GALNT1: variants seen among roughly 807,000 people sequenced by gnomAD.
The protein encoded by GALNT1 is polypeptide N-acetylgalactosaminyltransferase 1, also known as GalNAc transferase 1.
In GALNT1, 17 loss-of-function variants were observed where a neutral mutation model predicts 65.7. That is an observed-to-expected ratio of 0.26 (90% confidence interval 0.18 to 0.39). The LOEUF (loss-of-function observed/expected upper bound fraction) is 0.39, where lower values mean the gene tolerates loss of function less well. GALNT1 is among the 10% of genes least tolerant of loss of function. The pLI is 1.00. For synonymous variants in GALNT1, 210 were observed against 219.7 expected (o/e 0.96, Z 0.39); for missense variants, 460 against 672.8 (o/e 0.68, Z 3.50).
chr18:35,598,453 A>G (rs990047870), intron 1 of GALNT1, among the ~76,000 whole-genome samples: 1 of 152,048 alleles, frequency 6.6e-6, no homozygotes. Flanking sequence ...CCACTTTCTT[A>G]GTTCTCACAT....
chr18:35,610,182 G>GAGC (rs1326209594), intron 1 of GALNT1, among the ~76,000 whole-genome samples: 1 of 152,176 alleles, frequency 6.6e-6, no homozygotes, highest in Admixed American at 6.5e-5. Flanking sequence ...TGTGAATGAA[G>GAGC]AGCAGGGCAT....
At chr18:35,604,030 A>C (rs966100362) in intron 1 of GALNT1, among the ~76,000 whole-genome samples, 1 of 152,102 alleles carries the variant, frequency 6.6e-6, no homozygotes, top group Non-Finnish European at 1.5e-5. Context: ...TCACCCATGT[A>C]GTGAGCATAG....
At chr18:35,585,119 C>T (rs61434512) in intron 1 of GALNT1, among the ~76,000 whole-genome samples, 8 of 152,166 alleles carry the variant, frequency 5.3e-5, no homozygotes, top group Admixed American at 3.9e-4. Context: ...TTGGGGAGGA[C>T]GGCTTCTCTG....
chr18:35,651,524 A>T (rs1273183890), intron 1 of GALNT1, among the ~76,000 whole-genome samples: 7 of 152,192 alleles, frequency 4.6e-5, no homozygotes, highest in Admixed American at 4.6e-4. Flanking sequence ...TTGGGGTTTG[A>T]TGTCCTGTAG....
At chr18:35,652,193 C>A (rs531850357) in intron 1 of GALNT1, among the ~76,000 whole-genome samples, 4 of 152,170 alleles carry the variant, frequency 2.6e-5, no homozygotes, top group Non-Finnish European at 4.4e-5. Context: ...GATGAGCAAG[C>A]CTTCTGTGAC....
intron 3 of GALNT1, among the ~76,000 whole-genome samples, chr18:35,671,886 T>C (rs2047641880): frequency 1.3e-5 from 2 of 152,364 alleles, no homozygotes; most frequent in Non-Finnish European, 2.9e-5. Flanking sequence ...CATTCCTAGC[T>C]GTAATCTCAA....
intron 9 of GALNT1, among the ~76,000 whole-genome samples, chr18:35,699,826 C>A (rs1480300786): frequency 6.6e-6 from 1 of 152,170 alleles, no homozygotes; most frequent in Non-Finnish European, 1.5e-5. Flanking sequence ...CTATTTTCAT[C>A]CCAGTATAAA....
intron 1 of GALNT1, among the ~76,000 whole-genome samples, chr18:35,649,181 C>T (rs760302188): frequency 2.0e-5 from 3 of 152,212 alleles, no homozygotes; most frequent in Non-Finnish European, 4.4e-5. Flanking sequence ...CCCACTGGCA[C>T]CGTATTAGAG....
At chr18:35,705,028 C>G (rs1372980806) in intron 11 of GALNT1, among the ~76,000 whole-genome samples, 2 of 152,200 alleles carry the variant, frequency 1.3e-5, no homozygotes, top group African/African-American at 4.8e-5. Context: ...CTCTCTGTTC[C>G]TTTTGTTGGC....
At chr18:35,584,516 C>G (rs531481203) in intron 1 of GALNT1, among the ~76,000 whole-genome samples, 1 of 152,086 alleles carries the variant, frequency 6.6e-6, no homozygotes, top group Admixed American at 6.6e-5. Flanking sequence ...AAGAGGAGTG[C>G]GGCAACTTCG....
At chr18:35,655,080 A>C (rs190135107) in intron 2 of GALNT1, among the ~76,000 whole-genome samples, 1 of 152,102 alleles carries the variant, frequency 6.6e-6, no homozygotes, top group African/African-American at 2.4e-5. Flanking sequence ...TAATGTGGGT[A>C]TCTCATAGTT....
chr18:35,700,983 A>G (rs1266931962), intron 9 of GALNT1, among the ~76,000 whole-genome samples: 1 of 152,158 alleles, frequency 6.6e-6, no homozygotes, highest in African/African-American at 2.4e-5. Flanking sequence ...ACAGGATTGG[A>G]GAGTTTATAA....
At chr18:35,706,825 T>C (rs1282971996) in intron 11 of GALNT1, among the ~76,000 whole-genome samples, 1 of 152,152 alleles carries the variant, frequency 6.6e-6, no homozygotes, top group Admixed American at 6.5e-5. Flanking sequence ...CCTGCCTCCA[T>C]CCATTGAAAA....
intron 2 of GALNT1, among the ~76,000 whole-genome samples, chr18:35,662,166 T>C (rs185936246): frequency 9.2e-5 from 14 of 152,344 alleles, no homozygotes; most frequent in East Asian, 3.9e-4. Flanking sequence ...TCTGTACTTA[T>C]AGTTTTTACT....
At chr18:35,654,484 TATTAA>T (rs971254065) in intron 1 of GALNT1, 71 bp from the exon 2 acceptor site, 17 of 212,174 alleles carry the variant, frequency 8.0e-5, no homozygotes, top group Non-Finnish European at 1.4e-4. Flanking sequence ...ATGTTTATAA[TATTAA>T]ATTAATTTTA....
intron 2 of GALNT1, among the ~76,000 whole-genome samples, chr18:35,656,361 A>G (rs867944573): frequency 3.9e-5 from 6 of 152,256 alleles, no homozygotes; most frequent in Non-Finnish European, 7.3e-5. Flanking sequence ...TCCTCCCTTC[A>G]GGGAACTCAC....
At position 35,703,687 on chromosome 18, in the gene GALNT1, C is replaced by G. The variant is rs1379548924; in HGVS notation, c.1533+44C>G. The G allele has an allele frequency of 3.8e-6, 6 of 1,592,600 alleles. No individual in the cohort carries two copies. The South Asian group carries it at 6.7e-5, about 18-fold the overall frequency. On this transcript the variant is annotated intron_variant, in intron 11 of 11. Transcript: ENST00000269195. ...TATAGTAATAAAATTATGTGTGTCA[C>G]TGGGTATATTTATATACTTTATATC...
At chr18:35,631,165 T>C (rs2047002776) in intron 1 of GALNT1, among the ~76,000 whole-genome samples, 1 of 152,096 alleles carries the variant, frequency 6.6e-6, no homozygotes, top group Non-Finnish European at 1.5e-5. Flanking sequence ...ACTATTCCAA[T>C]CAATAGAAAA....
At chr18:35,647,233 T>C (rs2144339633) in intron 1 of GALNT1, among the ~76,000 whole-genome samples, 1 of 152,346 alleles carries the variant, frequency 6.6e-6, no homozygotes, top group East Asian at 1.9e-4. Flanking sequence ...AAATCTATTA[T>C]AGATGTGTGT....
Sources: gnomAD v4.1 joint callset for allele counts (sites outside exome capture counted in the v4.1 genomes callset) on GRCh38, gnomAD v4.1.1 for gene constraint, MANE v1.5 for transcripts, NCBI Gene and HGNC (gene_info 2026-07-23, HGNC 2026-07-21) for gene names.